The following RBFOX1 variants were observed in gnomAD, a reference collection of about 807,000 sequenced individuals.
RBFOX1 encodes the protein RNA binding fox-1 homolog 1, also known as RNA binding protein fox-1 homolog 1.
Under a neutral mutation model 57.7 loss-of-function variants are expected in RBFOX1, and 8 were observed. The observed-to-expected ratio is 0.14, with a 90% CI of 0.08 to 0.25. The LOEUF (loss-of-function observed/expected upper bound fraction) is 0.25. Among genes scored for constraint, RBFOX1 ranks in the 10% least tolerant of loss-of-function variants. The pLI is 1.00. For synonymous variants in RBFOX1, 326 were observed against 222.4 expected (o/e 1.47, Z -4.15); for missense variants, 611 against 548.5 (o/e 1.11, Z -1.14).
At chr16:7,185,850 C>A (rs186057519) in intron 4 of RBFOX1, among the ~76,000 whole-genome samples, 3 of 152,144 alleles carry the variant, frequency 2.0e-5, no homozygotes, top group African/African-American at 7.2e-5. Context: ...GATTTGGATT[C>A]CATGGCATTT....
chr16:5,403,414 T>C (rs1039061898), intron 1 of RBFOX1, among the ~76,000 whole-genome samples: 5 of 150,976 alleles, frequency 3.3e-5, no homozygotes, highest in African/African-American at 1.2e-4. Context: ...CTATATGTAA[T>C]GCACTGCTTG....
chr16:6,789,154 G>T (rs949798262), intron 3 of RBFOX1, among the ~76,000 whole-genome samples: 1 of 152,120 alleles, frequency 6.6e-6, no homozygotes, highest in African/African-American at 2.4e-5. Context: ...CCCACTGCTT[G>T]TGGGTAGAGT....
At chr16:6,221,881 A>G (rs2097375820) in intron 1 of RBFOX1, among the ~76,000 whole-genome samples, 1 of 152,206 alleles carries the variant, frequency 6.6e-6, no homozygotes, top group Admixed American at 6.5e-5. Context: ...TCCTTGACCC[A>G]AGGGAATTAT....
intron 3 of RBFOX1, among the ~76,000 whole-genome samples, chr16:6,680,077 A>G (rs1039167866): frequency 6.6e-6 from 1 of 151,936 alleles, no homozygotes; most frequent in African/African-American, 2.4e-5. Context: ...AAATCTGAAG[A>G]GATTGGCAAC....
chr16:7,589,996 T>A (rs2094357179), intron 7 of RBFOX1, among the ~76,000 whole-genome samples: 1 of 151,418 alleles, frequency 6.6e-6, no homozygotes, highest in Non-Finnish European at 1.5e-5. Flanking sequence ...ATGGACGCAG[T>A]GTCTCATACC....
At chr16:6,104,993 C>A (rs527549551) in intron 1 of RBFOX1, among the ~76,000 whole-genome samples, 4 of 152,292 alleles carry the variant, frequency 2.6e-5, no homozygotes, top group African/African-American at 7.2e-5. Context: ...GGGGCTAATT[C>A]TCTTTAACAT....
intron 2 of RBFOX1, among the ~76,000 whole-genome samples, chr16:6,533,163 C>T (rs958931281): frequency 6.6e-6 from 1 of 152,186 alleles, no homozygotes; most frequent in African/African-American, 2.4e-5. Flanking sequence ...GAAAGACAAA[C>T]CATGGAACTA....
chr16:6,732,840 G>A (rs1266961921), intron 3 of RBFOX1, among the ~76,000 whole-genome samples: 1 of 152,206 alleles, frequency 6.6e-6, no homozygotes, highest in East Asian at 1.9e-4. Context: ...TTTTACCTTG[G>A]ACAGCCATTA....
intron 4 of RBFOX1, among the ~76,000 whole-genome samples, chr16:7,444,825 C>A (rs1264357351): frequency 3.3e-5 from 5 of 152,160 alleles, no homozygotes; most frequent in African/African-American, 1.2e-4. Flanking sequence ...AGCCACCGTG[C>A]CCCACTGACA....
At chr16:6,201,690 A>T (rs2152830840) in intron 1 of RBFOX1, among the ~76,000 whole-genome samples, 1 of 152,340 alleles carries the variant, frequency 6.6e-6, no homozygotes, top group South Asian at 2.1e-4. Context: ...CCTAACACAA[A>T]GAAATGGTAA....
chr16:5,953,012 C>T (rs143195616), intron 4 of RBFOX1, among the ~76,000 whole-genome samples: 2 of 151,408 alleles, frequency 1.3e-5, no homozygotes, highest in East Asian at 3.9e-4. Context: ...ACAATGGCAG[C>T]AGTTCCCAGC....
chr16:6,838,011 T>TCG lies in RBFOX1; in HGVS notation c.-16+183361_-16+183362insCG, dbSNP rs1207034214. 3.9e-5 allele frequency among the ~76,000 whole-genome samples: 5 copies of TCG among 128,620 alleles called. No individual in the cohort carries two copies. The South Asian group carries it at 1.2e-3, about 30-fold the overall frequency. The allele number at this position is 128,620 out of a possible 152,430, so 84.4% of individuals were successfully genotyped here. A position where few individuals can be genotyped will look rare whatever the true frequency, so the allele number is the denominator to read the frequency against. On this transcript the variant is annotated intron_variant, in intron 3 of 15. Transcript: ENST00000550418. ...CAATACTGGGAAGTTACCACCCCTTTTTTTTTTTTTCCATTTTACTTTAAG... is the reference window on the plus strand; with the variant it reads ...CAATACTGGGAAGTTACCACCCCTTTCGTTTTTTTTTTCCATTTTACTTTAAG...
intron 4 of RBFOX1, among the ~76,000 whole-genome samples, chr16:5,875,705 T>G (rs1267071275): frequency 6.6e-6 from 1 of 152,090 alleles, no homozygotes; most frequent in African/African-American, 2.4e-5. Context: ...TTCCTAAGAG[T>G]GTTTCAGAAG....
chr16:7,390,592 C>G (rs955214799), intron 4 of RBFOX1, among the ~76,000 whole-genome samples: 2 of 152,128 alleles, frequency 1.3e-5, no homozygotes, highest in Admixed American at 1.3e-4. Context: ...GTATAAGGTG[C>G]TATATTTCGC....
intron 1 of RBFOX1, among the ~76,000 whole-genome samples, chr16:6,241,461 T>TA (rs138569767): frequency 0.058 from 8,789 of 151,432 alleles, 665 homozygotes; most frequent in African/African-American, 0.18. Flanking sequence ...TATAAATAGC[T>TA]AAAAAAAAAT....
At chr16:7,225,862 C>G (rs1048510627) in intron 4 of RBFOX1, among the ~76,000 whole-genome samples, 14 of 139,692 alleles carry the variant, frequency 1.0e-4, no homozygotes, top group Middle Eastern at 7.2e-3. Context: ...ATGTAACAAA[C>G]CTGCATATTG....
chr16:6,133,574 T>G (rs1035505299), intron 1 of RBFOX1, among the ~76,000 whole-genome samples: 1 of 152,206 alleles, frequency 6.6e-6, no homozygotes, highest in African/African-American at 2.4e-5. Flanking sequence ...TTCACTGAAG[T>G]CAGGGAAGAT....
At chr16:6,375,585 T>C (rs1229977096) in intron 2 of RBFOX1, among the ~76,000 whole-genome samples, 1 of 152,098 alleles carries the variant, frequency 6.6e-6, no homozygotes, top group African/African-American at 2.4e-5. Context: ...CTGTGGATTC[T>C]CTGCCCCTTC....
chr16:7,257,394 C>G lies in RBFOX1; in HGVS notation c.27+205296C>G, dbSNP rs115604539. ...GACTTGCTGCCCCTCTATCTTCCCT[C>G]TTTTATTTCTGAAGTCACTGTAGGG... On this transcript the variant is annotated intron_variant, in intron 4 of 15. Transcript: ENST00000550418. Among the ~76,000 whole-genome samples, 685 of 152,260 alleles carry G rather than the reference C, an allele frequency of 4.5e-3. 3 individuals are homozygous for G. The highest frequency in any genetic ancestry group is 0.016 in the African/African-American group (651 of 41,556).
Sources: allele counts gnomAD v4.1 joint callset (sites outside exome capture counted in the v4.1 genomes callset), GRCh38; gene constraint gnomAD v4.1.1; transcripts MANE v1.5; gene names NCBI Gene and HGNC (gene_info 2026-07-23, HGNC 2026-07-21).